The following SMAD9 variants were observed in gnomAD, a reference collection of about 807,000 sequenced individuals.
SMAD9 encodes MAD homolog 9.
Under a neutral mutation model 46.1 loss-of-function variants are expected in SMAD9, and 36 were observed. The observed-to-expected ratio is 0.78, with a 90% confidence interval of 0.60 to 1.03. The LOEUF is 1.03. SMAD9 is among the 50% of genes least tolerant of loss of function. The probability of loss-of-function intolerance (pLI) is 0.00; values close to 1 mark genes in which losing one functional copy is unlikely to be tolerated. For synonymous variants in SMAD9, 245 were observed against 237.1 expected, an observed-to-expected ratio of 1.03 and a Z score of -0.31; for missense variants, 572 against 599.8, an observed-to-expected ratio of 0.95 and a Z score of 0.48.
intron 2 of SMAD9, among the ~76,000 whole-genome samples, chr13:36,875,255 A>C (rs2058335288): frequency 6.6e-6 from 1 of 152,236 alleles, no homozygotes; most frequent in Admixed American, 6.5e-5. Context: ...AGACAATTAC[A>C]ATAACAATGA....
intron 1 of SMAD9, among the ~76,000 whole-genome samples, chr13:36,919,758 G>C (rs867391933): frequency 6.0e-4 from 91 of 150,804 alleles, no homozygotes; most frequent in African/African-American, 2.1e-3. Context: ...GGCGGATGCA[G>C]GCGCGAGGAA....
intron 2 of SMAD9, among the ~76,000 whole-genome samples, chr13:36,877,645 G>A (rs181728721): frequency 1.1e-4 from 17 of 151,936 alleles, no homozygotes; most frequent in African/African-American, 3.9e-4. Context: ...AGCGAAAAGA[G>A]TCAAAATGAA....
intron 1 of SMAD9, among the ~76,000 whole-genome samples, chr13:36,895,629 T>C (rs2058521835): frequency 6.6e-6 from 1 of 152,228 alleles, no homozygotes; most frequent in African/African-American, 2.4e-5. Context: ...AATTGTTAAA[T>C]AGAAATTAAG....
chr13:36,866,509 T>C (rs933932001), intron 4 of SMAD9, among the ~76,000 whole-genome samples: 2 of 152,218 alleles, frequency 1.3e-5, no homozygotes, highest in Admixed American at 1.3e-4. Context: ...AGTGATTGTA[T>C]TACCTTTCTC....
chr13:36,869,895 A>G (rs1304489387), intron 3 of SMAD9, among the ~76,000 whole-genome samples: 1 of 152,210 alleles, frequency 6.6e-6, no homozygotes, highest in Non-Finnish European at 1.5e-5. Context: ...AAAAAAATTA[A>G]CATATGAGAA....
rs368389693 is a variant in SMAD9 at position 36,865,609 on chromosome 13, A to C, written c.931T>G (p.Phe311Val). 2 of 1,614,042 alleles carry C rather than the reference A, an allele frequency of 1.2e-6. No homozygotes were observed. The highest frequency in any genetic ancestry group is 1.7e-6 in the Non-Finnish European group (2 of 1,180,006). ...FTDPSNNRNR[F>V]CLGLLSNVNR... The stretch of plus-strand genomic sequence containing the variant: ...ACATTAGAAAGAAGTCCAAGACAGA[A>C]TCTGTTCCTGTTATTTGAAGGGTCG... Residue 311 changes from phenylalanine to valine, a missense_variant, in exon 5 of 7, where the codon TTC becomes GTC. Coordinates refer to ENST00000379826, the MANE Select transcript of SMAD9 (RefSeq NM_001127217.3).
chr13:36,896,989 A>G (rs1171091198), intron 1 of SMAD9, among the ~76,000 whole-genome samples: 2 of 152,140 alleles, frequency 1.3e-5, no homozygotes, highest in Admixed American at 6.6e-5. Context: ...AAAAAAAAAC[A>G]GATTTAGAAC....
intron 1 of SMAD9, among the ~76,000 whole-genome samples, chr13:36,882,729 T>C (rs1017684782): frequency 6.6e-6 from 1 of 152,188 alleles, no homozygotes. Flanking sequence ...GACTGGTGGG[T>C]ATACAGATGT....
chr13:36,870,270 T>A (rs930939473), intron 3 of SMAD9, among the ~76,000 whole-genome samples: 1 of 152,134 alleles, frequency 6.6e-6, no homozygotes, highest in Non-Finnish European at 1.5e-5. Flanking sequence ...TAGGTAAATA[T>A]ATATTTTGCA....
intron 5 of SMAD9, among the ~76,000 whole-genome samples, chr13:36,863,216 G>T (rs1215918749): frequency 6.6e-6 from 1 of 152,132 alleles, no homozygotes; most frequent in African/African-American, 2.4e-5. Context: ...ACAGAAGACT[G>T]ACTGCCCTTG....
intron 1 of SMAD9, among the ~76,000 whole-genome samples, chr13:36,910,121 G>A (rs561079489): frequency 2.6e-5 from 4 of 152,028 alleles, no homozygotes; most frequent in African/African-American, 4.8e-5. Context: ...GGCATGAACC[G>A]GGGAGGCAGA....
chr13:36,865,072 C>T (rs1207334051), intron 5 of SMAD9, among the ~76,000 whole-genome samples: 1 of 152,164 alleles, frequency 6.6e-6, no homozygotes, highest in Non-Finnish European at 1.5e-5. Context: ...CAATCACATG[C>T]CAAAGGCTTC....
chr13:36,902,051 T>A (rs969799728), intron 1 of SMAD9, among the ~76,000 whole-genome samples: 1 of 152,244 alleles, frequency 6.6e-6, no homozygotes, highest in Non-Finnish European at 1.5e-5. Context: ...CCTAAGAATC[T>A]ATTGCCAAAT....
At position 36,879,449 on chromosome 13, in the gene SMAD9, C is replaced by T; in HGVS notation, c.241G>A (p.Val81Met). The change falls in exon 2 of 7, where the codon GTG (valine) becomes ATG (methionine). Residue 81 changes from valine (V) to methionine (M), a missense_variant. By Grantham distance (21) the Val-to-Met change is conservative. Coordinates refer to ENST00000379826, the MANE Select transcript of SMAD9 (RefSeq NM_001127217.3). The stretch of plus-strand genomic sequence containing the variant: ...TGGGGCAGGCCCTTGCGGTGGGACA[C>T]CTGCAGCCGCCCGTCCAGGGAGCGG... ...IPRSLDGRLQVSHRKGLPHVI... is the reference protein window; with the variant it reads ...IPRSLDGRLQMSHRKGLPHVI... 1.2e-6 allele frequency: 2 copies of T among 1,613,774 alleles called. No homozygotes were observed. Among genetic ancestry groups the T allele is most frequent in the Admixed American group, 1.7e-5 (1 of 60,032 alleles).
At chr13:36,908,462 T>C (rs2058635555) in intron 1 of SMAD9, among the ~76,000 whole-genome samples, 1 of 152,216 alleles carries the variant, frequency 6.6e-6, no homozygotes, top group Non-Finnish European at 1.5e-5. Context: ...TCAAATCAAT[T>C]GAAAAGTTCA....
At chr13:36,914,288 G>C (rs2058682297) in intron 1 of SMAD9, among the ~76,000 whole-genome samples, 1 of 152,170 alleles carries the variant, frequency 6.6e-6, no homozygotes, top group African/African-American at 2.4e-5. Context: ...GGGAGGCCGA[G>C]GCCGGCGGAT....
At chr13:36,878,503 G>A (rs998387517) in intron 2 of SMAD9, among the ~76,000 whole-genome samples, 1 of 152,174 alleles carries the variant, frequency 6.6e-6, no homozygotes, top group Non-Finnish European at 1.5e-5. Flanking sequence ...TTCACACAAG[G>A]AAGAAATTAC....
chr13:36,850,930 C>T (rs7996042), intron 6 of SMAD9, among the ~76,000 whole-genome samples: 1 of 152,132 alleles, frequency 6.6e-6, no homozygotes, highest in African/African-American at 2.4e-5. Context: ...ACGCCTGATC[C>T]GCCTTCACAA....
chr13:36,882,227 CTGTGTGTG>C (rs61006734), intron 1 of SMAD9, among the ~76,000 whole-genome samples: 7,120 of 149,394 alleles, frequency 0.048, 386 homozygotes, highest in East Asian at 0.18. Flanking sequence ...CAGGTATGTG[CTGTGTGTG>C]TGTGTGTGTG....
Sources: allele counts gnomAD v4.1 joint callset (sites outside exome capture counted in the v4.1 genomes callset), GRCh38; gene constraint gnomAD v4.1.1; transcripts MANE v1.5; gene names NCBI Gene and HGNC (gene_info 2026-07-23, HGNC 2026-07-21).